METTL24: variants seen among roughly 807,000 people sequenced by gnomAD.
METTL24 encodes probable methyltransferase-like protein 24.
Under a neutral mutation model 32.7 loss-of-function variants are expected in METTL24, and 29 were observed. The observed-to-expected ratio is 0.89, with a 90% CI of 0.66 to 1.21. The LOEUF (loss-of-function observed/expected upper bound fraction) is 1.21. Ranked by LOEUF, METTL24 falls within the 50% of genes most tolerant of loss-of-function variation. The pLI, the probability that METTL24 is intolerant of heterozygous loss-of-function variation, is 0.00. For missense variants in METTL24, 439 were observed against 468.1 expected (o/e 0.94, Z 0.57); for synonymous variants, 163 against 179.5 (o/e 0.91, Z 0.73).
At chr6:110,285,484 T>C (rs1445703831) in intron 4 of METTL24, among the ~76,000 whole-genome samples, 1 of 152,168 alleles carries the variant, frequency 6.6e-6, no homozygotes, top group Non-Finnish European at 1.5e-5. Flanking sequence ...CTTGGGTACA[T>C]ATGAAACTGG....
chr6:110,349,009 T>A (rs1253650304), intron 1 of METTL24, among the ~76,000 whole-genome samples: 1 of 152,236 alleles, frequency 6.6e-6, no homozygotes, highest in Non-Finnish European at 1.5e-5. Context: ...TCATTTTAGA[T>A]CTCGGTCCCC....
intron 4 of METTL24, among the ~76,000 whole-genome samples, chr6:110,291,952 G>C (rs1338619917): frequency 1.3e-5 from 2 of 152,156 alleles, no homozygotes; most frequent in African/African-American, 4.8e-5. Context: ...AGTAGCGTAA[G>C]CCTCTAACTT....
chr6:110,289,112 C>T (rs1201497867), intron 4 of METTL24, among the ~76,000 whole-genome samples: 1 of 137,468 alleles, frequency 7.3e-6, no homozygotes, highest in African/African-American at 3.4e-5. Context: ...AAGGTTACTG[C>T]AAAGTCACTA....
chr6:110,333,352 T>C (rs1429490860), intron 1 of METTL24, among the ~76,000 whole-genome samples: 1 of 152,236 alleles, frequency 6.6e-6, no homozygotes, highest in East Asian at 1.9e-4. Context: ...CTCCAGTTAA[T>C]GCTTCCTGCC....
chr6:110,273,393 T>C (rs763319072), intron 4 of METTL24, among the ~76,000 whole-genome samples: 8 of 152,104 alleles, frequency 5.3e-5, no homozygotes, highest in Admixed American at 1.3e-4. Flanking sequence ...GCAAAGAACA[T>C]GAGCACAGCA....
chr6:110,304,485 G>A (rs535456695), intron 3 of METTL24, among the ~76,000 whole-genome samples: 1 of 152,244 alleles, frequency 6.6e-6, no homozygotes, highest in South Asian at 2.1e-4. Context: ...ATAACCTGAT[G>A]GAACTGAAAA....
chr6:110,356,577 G>C (rs1772704221), intron 1 of METTL24, among the ~76,000 whole-genome samples: 1 of 152,174 alleles, frequency 6.6e-6, no homozygotes, highest in Non-Finnish European at 1.5e-5. Context: ...CTCAATTACA[G>C]GATTGGAAAT....
At chr6:110,259,907 G>T (rs1033447886) in intron 4 of METTL24, among the ~76,000 whole-genome samples, 1 of 152,184 alleles carries the variant, frequency 6.6e-6, no homozygotes, top group African/African-American at 2.4e-5. Context: ...TGAGGGTCCT[G>T]ACTGTTAGAA....
At chr6:110,292,599 T>A (rs978190930) in intron 4 of METTL24, among the ~76,000 whole-genome samples, 17 of 152,260 alleles carry the variant, frequency 1.1e-4, no homozygotes, top group African/African-American at 4.1e-4. Context: ...GTCAGTATTT[T>A]CGCAGTTTGT....
At chr6:110,264,627 T>C (rs1246084371) in intron 4 of METTL24, among the ~76,000 whole-genome samples, 1 of 152,224 alleles carries the variant, frequency 6.6e-6, no homozygotes, top group Non-Finnish European at 1.5e-5. Flanking sequence ...ACTGGGTATA[T>C]ACCCAGAGGA....
At chr6:110,261,875 A>G (rs144281459) in intron 4 of METTL24, among the ~76,000 whole-genome samples, 10,881 of 152,262 alleles carry the variant, frequency 0.071, 573 homozygotes, top group African/African-American at 0.16. Context: ...TACTGGGTAC[A>G]TAACGAAATG....
intron 2 of METTL24, among the ~76,000 whole-genome samples, chr6:110,320,063 G>T (rs896288710): frequency 6.6e-6 from 1 of 152,138 alleles, no homozygotes; most frequent in African/African-American, 2.4e-5. Context: ...CAGCCATAAA[G>T]CAGGTGTTCA....
At chr6:110,246,310 G>T in intron 4 of METTL24, 50 bp from the exon 5 acceptor site, 1 of 1,462,230 alleles carries the variant, frequency 6.8e-7, no homozygotes, top group East Asian at 2.3e-5. Flanking sequence ...AAACTATCTT[G>T]ATATCAGGAG....
intron 3 of METTL24, among the ~76,000 whole-genome samples, chr6:110,309,468 T>C (rs1275236165): frequency 2.0e-5 from 3 of 152,212 alleles, no homozygotes; most frequent in Admixed American, 6.5e-5. Context: ...AGGGACGATG[T>C]ATTAGTTTGT....
intron 1 of METTL24, among the ~76,000 whole-genome samples, chr6:110,324,237 C>T (rs1463127625): frequency 6.6e-6 from 1 of 152,194 alleles, no homozygotes; most frequent in African/African-American, 2.4e-5. Flanking sequence ...ATTAGACACA[C>T]ATCATTGCAG....
At chr6:110,266,311 T>C (rs1384982606) in intron 4 of METTL24, among the ~76,000 whole-genome samples, 1 of 152,188 alleles carries the variant, frequency 6.6e-6, no homozygotes, top group Non-Finnish European at 1.5e-5. Flanking sequence ...CGGCTACTTA[T>C]TGAGTGATAT....
chr6:110,270,915 A>G (rs985725720), intron 4 of METTL24, among the ~76,000 whole-genome samples: 3 of 146,186 alleles, frequency 2.1e-5, no homozygotes, highest in Non-Finnish European at 4.5e-5. Flanking sequence ...TTGACTCACT[A>G]CAACCTCTAC....
In METTL24 at chr6:110,335,330, T is replaced by C. The variant is rs187909677; in HGVS notation, c.319-12458A>G. ...CCCAGGACCCTCTCCCCATTTCAGATTGGAAATAACGAGAGTACAGGTGAC... is the reference window on the plus strand; with the variant it reads ...CCCAGGACCCTCTCCCCATTTCAGACTGGAAATAACGAGAGTACAGGTGAC... On this transcript the variant is annotated intron_variant, in intron 1 of 4. Coordinates refer to ENST00000338882, the MANE Select transcript of METTL24 (RefSeq NM_001123364.3). Among the ~76,000 whole-genome samples the C allele has an allele frequency of 1.2e-3, 187 of 152,268 alleles. 1 individual carries two copies. Among genetic ancestry groups the C allele is most frequent in the African/African-American group, 4.2e-3 (175 of 41,562 alleles).
chr6:110,261,589 T>C (rs888283038), intron 4 of METTL24, among the ~76,000 whole-genome samples: 2 of 152,266 alleles, frequency 1.3e-5, no homozygotes, highest in Middle Eastern at 3.4e-3. Context: ...TATCCAGGAA[T>C]TGAACTCAGC....
Sources: allele counts gnomAD v4.1 joint callset (sites outside exome capture counted in the v4.1 genomes callset), GRCh38; gene constraint gnomAD v4.1.1; transcripts MANE v1.5; gene names NCBI Gene and HGNC (gene_info 2026-07-23, HGNC 2026-07-21).